The following ADGRL3 variants were observed in gnomAD, a reference collection of about 807,000 sequenced individuals.
ADGRL3 encodes the protein adhesion G protein-coupled receptor L3, also known as calcium-independent alpha-latrotoxin receptor 3.
In ADGRL3, 62 loss-of-function variants were observed where a neutral mutation model predicts 153.5. The ratio of observed to expected loss-of-function variants is 0.40; its 90% CI spans 0.33 to 0.50. ADGRL3 has a LOEUF of 0.50. Among genes scored for constraint, ADGRL3 ranks in the 20% least tolerant of loss-of-function variants. The pLI, the probability that ADGRL3 is intolerant of heterozygous loss-of-function variation, is 0.47. For missense variants in ADGRL3, 1,641 were observed against 1,859.4 expected, an observed-to-expected ratio of 0.88 and a Z score of 2.16; for synonymous variants, 710 against 672.5, an observed-to-expected ratio of 1.06 and a Z score of -0.86.
At chr4:61,433,198 C>T (rs2097397055) in intron 2 of ADGRL3, among the ~76,000 whole-genome samples, 1 of 151,990 alleles carries the variant, frequency 6.6e-6, no homozygotes, top group African/African-American at 2.4e-5. Context: ...TAATAGATTG[C>T]TTGTCACTTA....
chr4:61,973,772 T>G (rs1263454785), intron 17 of ADGRL3, among the ~76,000 whole-genome samples: 1 of 152,178 alleles, frequency 6.6e-6, no homozygotes, highest in Non-Finnish European at 1.5e-5. Context: ...GACAAAATTT[T>G]TTAGTGTCAT....
rs370564890 is a variant in ADGRL3 at position 61,955,011 on chromosome 4, A to T, written c.2805+6735A>T. On this transcript the variant is annotated intron_variant, in intron 17 of 26. Coordinates refer to ENST00000683033, the MANE Select transcript of ADGRL3 (RefSeq NM_001387552.1). ...CAAGAAAAGTAAATGGCATGATTCCAGCTGAACGTTGCTTAGAAAATTAAA... is the reference window on the plus strand; with the variant it reads ...CAAGAAAAGTAAATGGCATGATTCCTGCTGAACGTTGCTTAGAAAATTAAA... Among the ~76,000 whole-genome samples the T allele has an allele frequency of 1.2e-3, 179 of 152,324 alleles. 1 individual carries two copies. The highest frequency in any genetic ancestry group is 4.2e-3 in the African/African-American group (173 of 41,588).
At chr4:61,744,329 G>C (rs2096624223) in intron 8 of ADGRL3, among the ~76,000 whole-genome samples, 1 of 152,176 alleles carries the variant, frequency 6.6e-6, no homozygotes, top group Admixed American at 6.5e-5. Context: ...GCATACTTAA[G>C]TGTCCCTGTT....
chr4:61,894,648 G>T (rs775130959), intron 10 of ADGRL3, among the ~76,000 whole-genome samples: 4 of 152,100 alleles, frequency 2.6e-5, no homozygotes, highest in Admixed American at 6.6e-5. Flanking sequence ...AATTGGAAAA[G>T]ATATTTTCTG....
intron 2 of ADGRL3, among the ~76,000 whole-genome samples, chr4:61,448,146 A>G (rs1382933088): frequency 6.6e-6 from 1 of 152,198 alleles, no homozygotes; most frequent in Non-Finnish European, 1.5e-5. Context: ...GAGTAGTAAT[A>G]CATATTGGTT....
intron 8 of ADGRL3, among the ~76,000 whole-genome samples, chr4:61,752,887 T>C (rs928726188): frequency 1.8e-4 from 28 of 152,120 alleles, no homozygotes; most frequent in Middle Eastern, 6.3e-3. Context: ...TGAGCCAAGA[T>C]TGCTGTACTG....
chr4:61,756,934 A>G (rs60324820), intron 8 of ADGRL3, among the ~76,000 whole-genome samples: 13,214 of 152,174 alleles, frequency 0.087, 1,222 homozygotes, highest in African/African-American at 0.23. Context: ...ATTGATTTGC[A>G]TATGTTAAAC....
At chr4:61,860,245 G>C (rs2149270526) in intron 9 of ADGRL3, among the ~76,000 whole-genome samples, 1 of 151,996 alleles carries the variant, frequency 6.6e-6, no homozygotes, top group South Asian at 2.1e-4. Flanking sequence ...TGTTTTTTTG[G>C]TTCTTTCTCT....
chr4:62,032,222 A>G (rs975232328), intron 23 of ADGRL3, among the ~76,000 whole-genome samples: 22 of 151,494 alleles, frequency 1.5e-4, no homozygotes, highest in African/African-American at 5.3e-4. Flanking sequence ...TTAGAATGCA[A>G]TCTTTTACAT....
At chr4:61,765,184 T>C (rs2040136546) in intron 8 of ADGRL3, among the ~76,000 whole-genome samples, 1 of 151,990 alleles carries the variant, frequency 6.6e-6, no homozygotes, top group African/African-American at 2.4e-5. Flanking sequence ...AAACCAGCAG[T>C]GTAAACAAGA....
At chr4:61,980,676 A>G (rs1364794460) in intron 18 of ADGRL3, among the ~76,000 whole-genome samples, 1 of 152,038 alleles carries the variant, frequency 6.6e-6, no homozygotes, top group African/African-American at 2.4e-5. Context: ...CCTGGATTCA[A>G]TCGATCCACC....
intron 1 of ADGRL3, among the ~76,000 whole-genome samples, chr4:61,282,131 CCT>C (rs766694330): frequency 4.6e-5 from 7 of 152,030 alleles, no homozygotes; most frequent in Non-Finnish European, 7.4e-5. Context: ...ACTTCAGTCT[CCT>C]CTAATCATTC....
intron 13 of ADGRL3, among the ~76,000 whole-genome samples, chr4:61,931,607 T>C (rs1019218622): frequency 6.6e-6 from 1 of 152,158 alleles, no homozygotes; most frequent in Non-Finnish European, 1.5e-5. Context: ...TCTCTATCCT[T>C]GTGTAAACAT....
chr4:62,068,216 A>G (rs1744013615), intron 26 of ADGRL3, 33 bp downstream of exon 26: 2 of 1,582,630 alleles, frequency 1.3e-6, no homozygotes, highest in Non-Finnish European at 1.7e-6. Context: ...TGCATATCAA[A>G]TGTAATTTTT....
chr4:61,927,248 A>G (rs539886131), intron 13 of ADGRL3, among the ~76,000 whole-genome samples: 6 of 152,202 alleles, frequency 3.9e-5, no homozygotes, highest in Non-Finnish European at 8.8e-5. Flanking sequence ...CTGTAGATCC[A>G]TTTAATTCCT....
intron 11 of ADGRL3, among the ~76,000 whole-genome samples, chr4:61,902,932 T>G (rs2149727088): frequency 6.6e-6 from 1 of 152,258 alleles, no homozygotes; most frequent in South Asian, 2.1e-4. Flanking sequence ...TACTAGAAAA[T>G]ATTTTATTCA....
intron 17 of ADGRL3, among the ~76,000 whole-genome samples, chr4:61,950,774 C>T (rs1336317024): frequency 6.6e-6 from 1 of 152,118 alleles, no homozygotes; most frequent in Non-Finnish European, 1.5e-5. Flanking sequence ...GAGTGACAGG[C>T]GATGCGTCTT....
At chr4:61,532,549 C>CACGT (rs1579374018) in intron 4 of ADGRL3, among the ~76,000 whole-genome samples, 1 of 103,670 alleles carries the variant, frequency 9.6e-6, no homozygotes, top group Admixed American at 1.1e-4. Context: ...CGCGCGCGCG[C>CACGT]GCGCGCGTGT....
intron 1 of ADGRL3, among the ~76,000 whole-genome samples, chr4:61,354,667 T>G (rs2096127082): frequency 6.6e-6 from 1 of 151,786 alleles, no homozygotes; most frequent in African/African-American, 2.4e-5. Flanking sequence ...ATTTTCAAAA[T>G]TATTAATCAG....
Sources: gnomAD v4.1 joint callset for allele counts (sites outside exome capture counted in the v4.1 genomes callset) on GRCh38, gnomAD v4.1.1 for gene constraint, MANE v1.5 for transcripts, NCBI Gene and HGNC (gene_info 2026-07-23, HGNC 2026-07-21) for gene names.